ZC3H12D: variants seen among roughly 807,000 people sequenced by gnomAD.
The protein encoded by ZC3H12D is zinc finger CCCH-type containing 12D.
ZC3H12D carries 11 observed loss-of-function variants against 24.2 expected under a neutral mutation model. That is an observed-to-expected ratio of 0.46 (90% CI 0.29 to 0.75). The LOEUF (loss-of-function observed/expected upper bound fraction) is 0.75. Among genes scored for constraint, ZC3H12D ranks in the 30% least tolerant of loss-of-function variants. ZC3H12D has a pLI of 0.11. For synonymous variants in ZC3H12D, 333 were observed against 341.8 expected, an observed-to-expected ratio of 0.97 and a Z score of 0.28; for missense variants, 740 against 767.7, an observed-to-expected ratio of 0.96 and a Z score of 0.43.
intron 3 of ZC3H12D, among the ~76,000 whole-genome samples, chr6:149,460,278 C>T (rs1320803729): frequency 3.3e-5 from 5 of 152,218 alleles, no homozygotes; most frequent in Non-Finnish European, 7.3e-5. Context: ...ATTAGGAATG[C>T]TCAGCCAGTA....
chr6:149,472,102 A>C (rs770175146), intron 2 of ZC3H12D, among the ~76,000 whole-genome samples: 3 of 152,218 alleles, frequency 2.0e-5, no homozygotes, highest in African/African-American at 7.2e-5. Context: ...ACCTTTCACA[A>C]CTAAGGATAT....
intron 4 of ZC3H12D, among the ~76,000 whole-genome samples, chr6:149,455,544 G>C (rs963416147): frequency 6.6e-6 from 1 of 152,132 alleles, no homozygotes; most frequent in African/African-American, 2.4e-5. Context: ...CATCCACCTT[G>C]CCAGTGTCTG....
intron 1 of ZC3H12D, among the ~76,000 whole-genome samples, chr6:149,477,312 C>T (rs953173869): frequency 6.6e-6 from 1 of 152,358 alleles, no homozygotes; most frequent in South Asian, 2.1e-4. Flanking sequence ...TCTGCCACGG[C>T]GTCCACCTGC....
At chr6:149,460,513 T>C (rs1019205379) in intron 3 of ZC3H12D, among the ~76,000 whole-genome samples, 3 of 152,030 alleles carry the variant, frequency 2.0e-5, no homozygotes, top group Non-Finnish European at 2.9e-5. Flanking sequence ...CTGAGCAACA[T>C]GGTGAAACCC....
intron 3 of ZC3H12D, among the ~76,000 whole-genome samples, chr6:149,461,137 T>C (rs1776065900): frequency 6.6e-6 from 1 of 151,946 alleles, no homozygotes; most frequent in South Asian, 2.1e-4. Context: ...AGTCAAGAGA[T>C]TGAGACCATC....
chr6:149,463,143 A>C (rs1227755334), intron 2 of ZC3H12D, among the ~76,000 whole-genome samples: 1 of 152,190 alleles, frequency 6.6e-6, no homozygotes, highest in Non-Finnish European at 1.5e-5. Flanking sequence ...TCAACATAAG[A>C]CAGATAGGAG....
Position 149,448,658 on chromosome 6 carries a change from T to G in ZC3H12D, c.*2025A>C, listed in dbSNP as rs1346792207. On this transcript the variant is annotated 3_prime_UTR_variant, in exon 6 of 6. Coordinates refer to ENST00000409806, the MANE Select transcript of ZC3H12D (RefSeq NM_207360.3). ...ATCCCAATATGTTATGGTAAAATTG[T>G]GGGTGCACCGTCCTCTTTGGAAAAA... 1 of 152,224 alleles carries G rather than the reference T, an allele frequency of 6.6e-6. No individual in the cohort carries two copies. Among genetic ancestry groups the G allele is most frequent in the Non-Finnish European group, 1.5e-5 (1 of 68,038 alleles). 9.4% of individuals were successfully genotyped at this position (152,224 alleles called of 1,614,324 possible).
At chr6:149,464,576 G>A (rs1000766864) in intron 2 of ZC3H12D, among the ~76,000 whole-genome samples, 1 of 152,156 alleles carries the variant, frequency 6.6e-6, no homozygotes, top group Non-Finnish European at 1.5e-5. Flanking sequence ...GGGGAACGTT[G>A]GCACCCATCC....
At chr6:149,453,486 G>A (rs1194968452) in intron 4 of ZC3H12D, among the ~76,000 whole-genome samples, 1 of 151,958 alleles carries the variant, frequency 6.6e-6, no homozygotes, top group East Asian at 1.9e-4. Flanking sequence ...AAATTAGCTG[G>A]GCATGGTGGC....
Position 149,466,901 on chromosome 6 carries a change from TA to T in ZC3H12D, c.306-4932del, listed in dbSNP as rs971298022. Among the ~76,000 whole-genome samples the T allele has an allele frequency of 8.8e-3, 551 of 62,782 alleles. 3 individuals are homozygous for T. The highest frequency in any genetic ancestry group is 0.042 in the African/African-American group (530 of 12,680). The allele number at this position is 62,782 out of a possible 152,430, so 41.2% of individuals were successfully genotyped here. A position where few individuals can be genotyped will look rare whatever the true frequency, so the allele number is the denominator to read the frequency against. On this transcript the variant is annotated intron_variant, in intron 2 of 5. Transcript: ENST00000409806. ...AAAAATAAAATAAAATAAAATAAAA[TA>T]AAATAAAATAAAATAAAATAAAATA...
At chr6:149,462,760 C>T (rs551491483) in intron 2 of ZC3H12D, among the ~76,000 whole-genome samples, 232 of 152,306 alleles carry the variant, frequency 1.5e-3, no homozygotes, top group African/African-American at 5.3e-3. Flanking sequence ...CTTCGTTTTT[C>T]GCCCGTGCTG....
In ZC3H12D at chr6:149,468,862, G is replaced by A. The variant is rs193222619; in HGVS notation, c.305+5377C>T. Among the ~76,000 whole-genome samples, 40 of 152,296 alleles carry A rather than the reference G, an allele frequency of 2.6e-4. 1 individual carries two copies. In the East Asian group the frequency reaches 6.9e-3, roughly 26 times the overall value. ...CACTGAGGGGGGCATGATGAAAACT[G>A]AGAGGTATGATTTCAAGCCTGATCT... On this transcript the variant is annotated intron_variant, in intron 2 of 5. Transcript: ENST00000409806.
Position 149,452,997 on chromosome 6 carries a change from G to T in ZC3H12D, c.681-275C>A, listed in dbSNP as rs1040771078. On this transcript the variant is annotated intron_variant, in intron 4 of 5. Coordinates refer to ENST00000409806, the MANE Select transcript of ZC3H12D (RefSeq NM_207360.3). This position sits in a 1 kb window ranked among gnomAD's most constrained non-coding sequence, Gnocchi z 4.0. ...CAGAATCACCTAGCAACTTAAAAAT[G>T]CAGTCATCTGAGTGCAGTGGTTCAC... is the stretch of plus-strand genomic sequence containing the variant. Among the ~76,000 whole-genome samples the T allele has an allele frequency of 6.6e-6, 1 of 152,096 alleles. No individual in the cohort carries two copies. Among genetic ancestry groups the T allele is most frequent in the Non-Finnish European group, 1.5e-5 (1 of 68,022 alleles).
chr6:149,473,966 C>G (rs903253565), intron 2 of ZC3H12D, among the ~76,000 whole-genome samples: 1 of 152,220 alleles, frequency 6.6e-6, no homozygotes, highest in Non-Finnish European at 1.5e-5. Context: ...TTGTTGATCA[C>G]TTACTCTGTG....
chr6:149,481,342 A>G (rs1044226864), intron 1 of ZC3H12D, among the ~76,000 whole-genome samples: 1 of 151,630 alleles, frequency 6.6e-6, no homozygotes, highest in Non-Finnish European at 1.5e-5. Flanking sequence ...AACAGGAGAC[A>G]GGAACAGAAA....
At chr6:149,464,179 T>G (rs1416695137) in intron 2 of ZC3H12D, among the ~76,000 whole-genome samples, 2 of 152,042 alleles carry the variant, frequency 1.3e-5, no homozygotes, top group Non-Finnish European at 2.9e-5. Flanking sequence ...GGCAATATCA[T>G]ATGGGACTCA....
At chr6:149,469,126 G>T (rs1776204909) in intron 2 of ZC3H12D, among the ~76,000 whole-genome samples, 1 of 152,158 alleles carries the variant, frequency 6.6e-6, no homozygotes, top group African/African-American at 2.4e-5. Flanking sequence ...TGTAAAACAG[G>T]CTGGGCACTT....
intron 1 of ZC3H12D, among the ~76,000 whole-genome samples, chr6:149,475,789 T>C (rs1315608542): frequency 6.9e-6 from 1 of 144,660 alleles, no homozygotes; most frequent in African/African-American, 2.6e-5. Context: ...ACACCGGGGG[T>C]TGGGGGGTGG....
At chr6:149,475,727 A>AAG (rs1776328638) in intron 1 of ZC3H12D, among the ~76,000 whole-genome samples, 1 of 150,018 alleles carries the variant, frequency 6.7e-6, no homozygotes. Context: ...AAAAAAAAAA[A>AAG]GGGGCCTGCC....
Sources: allele counts gnomAD v4.1 joint callset (sites outside exome capture counted in the v4.1 genomes callset), GRCh38; gene constraint gnomAD v4.1.1; non-coding constraint Gnocchi (gnomAD v3.1); transcripts MANE v1.5; gene names NCBI Gene and HGNC (gene_info 2026-07-23, HGNC 2026-07-21).